The following IL15RA variants were observed in gnomAD, a reference collection of about 807,000 sequenced individuals.
IL15RA encodes interleukin 15 receptor subunit alpha.
In IL15RA, 26 loss-of-function variants were observed where a neutral mutation model predicts 24.2. The observed-to-expected ratio is 1.07, with a 90% CI of 0.79 to 1.49. The LOEUF (loss-of-function observed/expected upper bound fraction) is 1.49. IL15RA is among the 40% of genes most tolerant of loss of function. The pLI is 0.00. For missense variants in IL15RA, 354 were observed against 356.4 expected (o/e 0.99, Z 0.05); for synonymous variants, 166 against 157.6 (o/e 1.05, Z -0.40).
rs758703676 is a variant in IL15RA, at chr10:5,956,460, A to C, written c.617-6T>G. On this transcript the variant is annotated splice_polypyrimidine_tract_variant and splice_region_variant and intron_variant, in intron 5 of 6. Coordinates refer to ENST00000379977, the MANE Select transcript of IL15RA (RefSeq NM_002189.4). ...AGTGGACGTGGAGATAGCCACTGAA[A>C]GGGAGGAGACCACGCTGAGATACCC... 1.9e-6 allele frequency: 3 copies of C among 1,610,816 alleles called. No homozygotes were observed. In the African/African-American group the frequency reaches 4.0e-5, roughly 22 times the overall value.
rs1318949704 is a variant in IL15RA, at chr10:5,963,355, G to A, written c.382+388C>T. Among the ~76,000 whole-genome samples the A allele has an allele frequency of 3.9e-5, 6 of 152,178 alleles. No homozygotes were observed. The highest frequency in any genetic ancestry group is 5.9e-5 in the Non-Finnish European group (4 of 68,038). On this transcript the variant is annotated intron_variant, in intron 3 of 6. Coordinates refer to ENST00000379977, the MANE Select transcript of IL15RA (RefSeq NM_002189.4). The surrounding 1 kb of genome is among the most constrained non-coding windows in gnomAD (Gnocchi z 5.3). ...TTGATGTAAACATGCTGAAGCTCCC[G>A]CTGCCTGCTGGCCTCCCATCCTGGA...
rs1836574040 is a variant in IL15RA, at chr10:5,966,548, C to T, written c.89-209G>A. ...CTCGCCTGAAGTGCCAGTCAGCCAG[C>T]AAAACTACAGATGAGGGCGTGGGGA... is the stretch of plus-strand genomic sequence containing the variant. On this transcript the variant is annotated intron_variant, in intron 1 of 6. Transcript: ENST00000379977. The surrounding 1 kb of genome is among the most constrained non-coding windows in gnomAD (Gnocchi z 6.4). Among the ~76,000 whole-genome samples the T allele has an allele frequency of 6.6e-6, 1 of 152,080 alleles. No individual in the cohort carries two copies. Among genetic ancestry groups the T allele is most frequent in the Non-Finnish European group, 1.5e-5 (1 of 67,992 alleles).
At position 5,968,886 on chromosome 10, in the gene IL15RA, A is replaced by G. The variant is rs993437755; in HGVS notation, c.89-2547T>C. 4 of 1,323,746 alleles carry G rather than the reference A, an allele frequency of 3.0e-6. No individual in the cohort carries two copies. The Admixed American group carries it at 7.9e-5, about 26-fold the overall frequency. 82.0% of individuals were successfully genotyped at this position (1,323,746 alleles called of 1,614,324 possible). On this transcript the variant is annotated intron_variant, in intron 1 of 6. Coordinates refer to ENST00000379977, the MANE Select transcript of IL15RA (RefSeq NM_002189.4). This position sits in a 1 kb window ranked among gnomAD's most constrained non-coding sequence, Gnocchi z 5.4. ...GACCTCATGGTTGAAGCTTTCAGAT[A>G]TTCTGCTCCTTCCCGCCAGGACAGC...
intron 1 of IL15RA, among the ~76,000 whole-genome samples, chr10:5,972,020 C>T (rs1203100193): frequency 3.3e-5 from 5 of 152,334 alleles, no homozygotes; most frequent in African/African-American, 9.6e-5. Context: ...GACATCTGGC[C>T]TCTTCTGTCT....
chr10:5,956,617 T>C (rs1834556746), intron 5 of IL15RA, among the ~76,000 whole-genome samples, 163 bp from the exon 6 acceptor site: 1 of 152,216 alleles, frequency 6.6e-6, no homozygotes, highest in Admixed American at 6.5e-5. Context: ...CGATTCTATG[T>C]CTAGGCAAAA....
rs1012653847 is a variant in IL15RA at position 5,961,551 on chromosome 10, G to T, written c.383-984C>A. Among the ~76,000 whole-genome samples, 1 of 152,258 alleles carries T rather than the reference G, an allele frequency of 6.6e-6. No individual in the cohort carries two copies. Among genetic ancestry groups the T allele is most frequent in the African/African-American group, 2.4e-5 (1 of 41,480 alleles). ...GGCCGAGGACGCTCGGAGCGGCTGC[G>T]TGTGAAACACGGGAAGCCTGGGCTC... is the stretch of plus-strand genomic sequence containing the variant. On this transcript the variant is annotated intron_variant, in intron 3 of 6. Coordinates refer to ENST00000379977, the MANE Select transcript of IL15RA (RefSeq NM_002189.4). This position sits in a 1 kb window ranked among gnomAD's most constrained non-coding sequence, Gnocchi z 5.2.
rs1836027125 is a variant in IL15RA at position 5,963,896 on chromosome 10, G to A, written c.284-55C>T. ...TGATCCTGAGCCTGGAACCTGGGCT[G>A]GCTTCAGAACGGGATACAAATAAAA... On this transcript the variant is annotated intron_variant, in intron 2 of 6. Transcript: ENST00000379977. The surrounding 1 kb of genome is among the most constrained non-coding windows in gnomAD (Gnocchi z 5.3). 1.7e-6 allele frequency: 2 copies of A among 1,178,526 alleles called. No homozygotes were observed. Among genetic ancestry groups the A allele is most frequent in the African/African-American group, 3.2e-5 (2 of 62,762 alleles). The allele number at this position is 1,178,526 out of a possible 1,614,324, so 73.0% of individuals were successfully genotyped here.
chr10:5,967,115 C>T lies in IL15RA; in HGVS notation c.89-776G>A, dbSNP rs982231234. Among the ~76,000 whole-genome samples, 2 of 152,212 alleles carry T rather than the reference C, an allele frequency of 1.3e-5. No homozygotes were observed. Among genetic ancestry groups the T allele is most frequent in the African/African-American group, 4.8e-5 (2 of 41,456 alleles). The stretch of plus-strand genomic sequence containing the variant: ...CCCACCTCCATCTCAAAAATCCACT[C>T]CCTTGTGTGTGCACATGTGTGTGTT... On this transcript the variant is annotated intron_variant, in intron 1 of 6. Coordinates refer to ENST00000379977, the MANE Select transcript of IL15RA (RefSeq NM_002189.4). This position sits in a 1 kb window ranked among gnomAD's most constrained non-coding sequence, Gnocchi z 4.4.
rs944946808 is a variant in IL15RA, at chr10:5,961,215, G to A, written c.383-648C>T. Among the ~76,000 whole-genome samples the A allele has an allele frequency of 2.6e-5, 4 of 152,010 alleles. No individual in the cohort carries two copies. Among genetic ancestry groups the A allele is most frequent in the South Asian group, 2.1e-4 (1 of 4,820 alleles). ...CGGGCGAGAGCCACTGTGCCCTGCC[G>A]CAAGACCCTGTTTCTACAAAAATAA... On this transcript the variant is annotated intron_variant, in intron 3 of 6. Coordinates refer to ENST00000379977, the MANE Select transcript of IL15RA (RefSeq NM_002189.4). This position sits in a 1 kb window ranked among gnomAD's most constrained non-coding sequence, Gnocchi z 5.2.
Position 5,959,356 on chromosome 10 carries a change from G to A in IL15RA, c.616+398C>T, listed in dbSNP as rs546619761. Reference sequence around the variant, plus strand: ...TGGACAGCTTCTCTGTTAAGTGCACGGTGCCACGCCCTGGAGAGGAATTGG... The same window carrying A: ...TGGACAGCTTCTCTGTTAAGTGCACAGTGCCACGCCCTGGAGAGGAATTGG... On this transcript the variant is annotated intron_variant, in intron 5 of 6. Coordinates refer to ENST00000379977, the MANE Select transcript of IL15RA (RefSeq NM_002189.4). The surrounding 1 kb of genome is among the most constrained non-coding windows in gnomAD (Gnocchi z 4.1). 3.3e-5 allele frequency among the ~76,000 whole-genome samples: 5 copies of A among 151,840 alleles called. No homozygotes were observed. Among genetic ancestry groups the A allele is most frequent in the African/African-American group, 1.2e-4 (5 of 41,350 alleles).
Position 5,953,301 on chromosome 10 carries a change from G to A in IL15RA, c.693-95C>T, listed in dbSNP as rs748598963. 3.1e-5 allele frequency: 27 copies of A among 880,330 alleles called. No individual in the cohort carries two copies. Among genetic ancestry groups the A allele is most frequent in the East Asian group, 1.3e-4 (5 of 39,756 alleles). The allele number at this position is 880,330 out of a possible 1,614,324, so 54.5% of individuals were successfully genotyped here. A position where few individuals can be genotyped will look rare whatever the true frequency, so the allele number is the denominator to read the frequency against. On this transcript the variant is annotated intron_variant, in intron 6 of 6. Coordinates refer to ENST00000379977, the MANE Select transcript of IL15RA (RefSeq NM_002189.4). The surrounding 1 kb of genome is among the most constrained non-coding windows in gnomAD (Gnocchi z 5.3). ...ACTGAGCATGTATGTCCAGCACTGC[G>A]GGGATGGCAGGAGCAGACAGAGGCC...
intron 1 of IL15RA, among the ~76,000 whole-genome samples, chr10:5,976,274 G>T (rs1308664852): frequency 6.6e-6 from 1 of 151,400 alleles, no homozygotes; most frequent in Non-Finnish European, 1.5e-5. Flanking sequence ...CAGAGCTGGG[G>T]TGGGGGTGGC....
downstream of IL15RA, chr10:5,952,302 C>T (rs1034223209): frequency 6.6e-6 from 1 of 152,422 alleles, no homozygotes; most frequent in Non-Finnish European, 1.5e-5. Context: ...AACTCAGTCA[C>T]CTTGGACTCT....
At chr10:5,977,335 G>T in intron 1 of IL15RA, 70 bp downstream of exon 1, 1 of 743,364 alleles carries the variant, frequency 1.3e-6, no homozygotes, top group Non-Finnish European at 1.9e-6. Context: ...GGGGCGCCCG[G>T]TTCCCTCCAG....
downstream of IL15RA, among the ~76,000 whole-genome samples, chr10:5,949,924 T>G (rs898611225): frequency 2.0e-5 from 3 of 151,714 alleles, no homozygotes; most frequent in Non-Finnish European, 2.9e-5. The surrounding 1 kb of genome is among the most constrained non-coding windows in gnomAD (Gnocchi z 4.4). Flanking sequence ...GGTGAAACAC[T>G]GTCTCTGCCA....
At chr10:5,969,273 A>G (rs1257092285) in intron 1 of IL15RA, among the ~76,000 whole-genome samples, 1 of 150,078 alleles carries the variant, frequency 6.7e-6, no homozygotes, top group Non-Finnish European at 1.5e-5. Context: ...AAATTTAATT[A>G]AAATTTTATA....
chr10:5,968,709 CCA>C lies in IL15RA; in HGVS notation c.89-2372_89-2371del, dbSNP rs1207531076. The C allele has an allele frequency of 8.6e-6, 6 of 698,908 alleles. No individual in the cohort carries two copies. The highest frequency in any genetic ancestry group is 1.6e-5 in the Non-Finnish European group (6 of 382,504). The allele number at this position is 698,908 out of a possible 1,614,324, so 43.3% of individuals were successfully genotyped here. A position where few individuals can be genotyped will look rare whatever the true frequency, so the allele number is the denominator to read the frequency against. ...TTCTGTCCTTCTCTACCTGCCTAAACCACAGAGTGTTATTTCTCCACACTTGC... is the reference window on the plus strand; with the variant it reads ...TTCTGTCCTTCTCTACCTGCCTAAACCAGAGTGTTATTTCTCCACACTTGC... On this transcript the variant is annotated intron_variant, in intron 1 of 6. Coordinates refer to ENST00000379977, the MANE Select transcript of IL15RA (RefSeq NM_002189.4). This position sits in a 1 kb window ranked among gnomAD's most constrained non-coding sequence, Gnocchi z 5.4.
intron 5 of IL15RA, 99 bp from the exon 6 acceptor site, chr10:5,956,553 G>A (rs1294321648): frequency 1.2e-6 from 1 of 856,078 alleles, no homozygotes; most frequent in Non-Finnish European, 2.0e-6. Flanking sequence ...GGATCCAAGT[G>A]CCTCCCAACC....
In IL15RA at chr10:5,953,207, C is replaced by T; in HGVS notation, c.693-1G>A. On this transcript the variant is annotated splice_acceptor_variant, in intron 6 of 6. Coordinates refer to ENST00000379977, the MANE Select transcript of IL15RA (RefSeq NM_002189.4). LOFTEE classifies it high-confidence loss of function. This position sits in a 1 kb window ranked among gnomAD's most constrained non-coding sequence, Gnocchi z 5.3. The stretch of plus-strand genomic sequence containing the variant: ...AACGCTGGCCAGCGGGGGAGTTTGC[C>T]TGCAAAGCAGGTGGTTCATAGGTTT... 6.2e-7 allele frequency: 1 copy of T among 1,612,382 alleles called. No individual in the cohort carries two copies. The highest frequency in any genetic ancestry group is 1.7e-4 in the Middle Eastern group (1 of 6,056).
Sources: gnomAD v4.1 joint callset for allele counts (sites outside exome capture counted in the v4.1 genomes callset) on GRCh38, gnomAD v4.1.1 for gene constraint, Gnocchi (gnomAD v3.1) non-coding constraint, MANE v1.5 for transcripts, NCBI Gene and HGNC (gene_info 2026-07-23, HGNC 2026-07-21) for gene names.